Variants in LIPI observed in about 807,000 individuals in gnomAD.
The protein encoded by LIPI is lipase I.
In LIPI, 59 loss-of-function variants were observed where a neutral mutation model predicts 50.6. The observed-to-expected ratio is 1.16, with a 90% CI of 0.94 to 1.45. The LOEUF (loss-of-function observed/expected upper bound fraction) is 1.45, where lower values mean the gene tolerates loss of function less well. LIPI is among the 40% of genes most tolerant of loss of function. The pLI, the probability that LIPI is intolerant of heterozygous loss-of-function variation, is 0.00. For missense variants in LIPI, 586 were observed against 536.3 expected (o/e 1.09, Z -0.92); for synonymous variants, 203 against 178.2 (o/e 1.14, Z -1.11).
intron 9 of LIPI, among the ~76,000 whole-genome samples, chr21:14,137,209 G>C (rs1179549263): frequency 6.6e-6 from 1 of 151,990 alleles, no homozygotes; most frequent in Non-Finnish European, 1.5e-5. Flanking sequence ...ACACCATGCA[G>C]GAAAACATGA....
intron 9 of LIPI, among the ~76,000 whole-genome samples, chr21:14,118,011 C>A (rs935642134): frequency 9.2e-5 from 14 of 151,744 alleles, no homozygotes; most frequent in Admixed American, 6.6e-4. Flanking sequence ...TCAGGAAGGT[C>A]AGCCTAGACT....
chr21:14,114,889 A>C (rs548623727), intron 9 of LIPI, among the ~76,000 whole-genome samples: 1 of 152,326 alleles, frequency 6.6e-6, no homozygotes, highest in African/African-American at 2.4e-5. Flanking sequence ...AGAAAAGTAG[A>C]TTATCTTTGG....
intron 9 of LIPI, among the ~76,000 whole-genome samples, chr21:14,116,905 A>T (rs1416738464): frequency 2.0e-5 from 3 of 152,150 alleles, no homozygotes; most frequent in Non-Finnish European, 4.4e-5. Context: ...CCGCCAGAGG[A>T]GCTAGAGACT....
At chr21:14,200,061 G>A (rs920285440) in intron 1 of LIPI, among the ~76,000 whole-genome samples, 18 of 152,094 alleles carry the variant, frequency 1.2e-4, no homozygotes, top group Admixed American at 1.1e-3. Context: ...ATCGCTTCAT[G>A]CTAAAAACTC....
intron 9 of LIPI, among the ~76,000 whole-genome samples, chr21:14,138,719 A>C (rs1237474637): frequency 6.6e-6 from 1 of 152,062 alleles, no homozygotes. Context: ...TCAATGTATA[A>C]ATTACCCTAT....
chr21:14,138,580 T>G (rs1007775549), intron 9 of LIPI, among the ~76,000 whole-genome samples: 1 of 152,026 alleles, frequency 6.6e-6, no homozygotes, highest in African/African-American at 2.4e-5. Context: ...TCACTTAATT[T>G]TCTCCAATTA....
intron 9 of LIPI, among the ~76,000 whole-genome samples, chr21:14,136,378 C>T (rs1022937976): frequency 3.9e-5 from 6 of 152,150 alleles, no homozygotes; most frequent in Non-Finnish European, 8.8e-5. Context: ...CATTCACCAC[C>T]AGCTGTCTTA....
rs75863726 is a variant in LIPI at position 14,108,978 on chromosome 21, A to G, written c.*15T>C. On this transcript the variant is annotated 3_prime_UTR_variant, in exon 10 of 10. Transcript: ENST00000681601. The stretch of plus-strand genomic sequence containing the variant: ...ATTAATTCACAAGCAAGTGCATTTG[A>G]TGGAAGAAGGCATCTTATGTGTTCT... The G allele has an allele frequency of 1.4e-3, 2,271 of 1,611,344 alleles. 68 individuals are homozygous for G. The East Asian group carries it at 0.046, about 33-fold the overall frequency.
At chr21:14,178,645 G>A (rs985636645) in intron 4 of LIPI, among the ~76,000 whole-genome samples, 2 of 151,846 alleles carry the variant, frequency 1.3e-5, no homozygotes, top group African/African-American at 4.8e-5. Context: ...AATTACTTTT[G>A]CACCAACTTA....
rs1298559154 is a variant in LIPI, at chr21:14,144,802, A to G, written c.1119-3T>C. The G allele has an allele frequency of 5.2e-6, 8 of 1,551,822 alleles. No homozygotes were observed. Among genetic ancestry groups the G allele is most frequent in the Admixed American group, 5.0e-5 (3 of 59,676 alleles). On this transcript the variant is annotated splice_polypyrimidine_tract_variant and splice_region_variant and intron_variant, in intron 8 of 9. Coordinates refer to ENST00000681601, the MANE Select transcript of LIPI (RefSeq NM_001302998.2). ...GTTTATAAAATGGTTTGTTCTTTCT[A>G]GAGAGAAAATTTGATACACGCAGCA...
chr21:14,198,008 T>C lies in LIPI; in HGVS notation c.47-8589A>G, dbSNP rs1211702722. ...ATAAATTCCAGTCTAGAATTTCATA[T>C]CTGGGCAAACTAAGCTTCATAAGCA... On this transcript the variant is annotated intron_variant, in intron 1 of 9. Coordinates refer to ENST00000681601, the MANE Select transcript of LIPI (RefSeq NM_001302998.2). Among the ~76,000 whole-genome samples, 6 of 152,088 alleles carry C rather than the reference T, an allele frequency of 3.9e-5. No homozygotes were observed. In the East Asian group the frequency reaches 9.6e-4, roughly 24 times the overall value.
intron 7 of LIPI, among the ~76,000 whole-genome samples, chr21:14,155,355 A>T (rs1164177496): frequency 6.6e-6 from 1 of 152,018 alleles, no homozygotes; most frequent in Admixed American, 6.6e-5. Flanking sequence ...CTATAATAAA[A>T]GATGTAATAT....
intron 7 of LIPI, among the ~76,000 whole-genome samples, chr21:14,158,554 GAGT>G (rs2018350657): frequency 6.7e-6 from 1 of 149,672 alleles, no homozygotes; most frequent in Admixed American, 6.7e-5. Context: ...AACCCAAATA[GAGT>G]AGAAGAAAAG....
At chr21:14,172,178 C>T (rs1215317948) in intron 4 of LIPI, among the ~76,000 whole-genome samples, 12 of 151,014 alleles carry the variant, frequency 7.9e-5, no homozygotes, top group Non-Finnish European at 1.6e-4. Flanking sequence ...TACCATCTCA[C>T]ACCAGTTAGA....
At chr21:14,167,025 C>T (rs998207244) in intron 4 of LIPI, among the ~76,000 whole-genome samples, 2 of 152,222 alleles carry the variant, frequency 1.3e-5, no homozygotes, top group Non-Finnish European at 2.9e-5. Flanking sequence ...TGCGCTTCTG[C>T]GATGGGCTTA....
intron 1 of LIPI, among the ~76,000 whole-genome samples, chr21:14,208,286 G>A (rs1297139): frequency 6.6e-6 from 1 of 152,148 alleles, no homozygotes; most frequent in Non-Finnish European, 1.5e-5. Context: ...GTGCTTAGTA[G>A]AATTGCTAAT....
intron 8 of LIPI, among the ~76,000 whole-genome samples, chr21:14,149,215 A>G (rs1377570617): frequency 1.3e-5 from 2 of 152,182 alleles, no homozygotes; most frequent in Non-Finnish European, 2.9e-5. Flanking sequence ...CCTACTTCAT[A>G]TGGTGGCAGG....
chr21:14,174,384 C>G lies in LIPI; in HGVS notation c.643+7374G>C, dbSNP rs563340024. Among the ~76,000 whole-genome samples the G allele has an allele frequency of 2.4e-4, 36 of 151,256 alleles. 2 individuals are homozygous for G. The highest frequency in any genetic ancestry group is 7.4e-5 in the Non-Finnish European group (5 of 67,906). On this transcript the variant is annotated intron_variant, in intron 4 of 9. Coordinates refer to ENST00000681601, the MANE Select transcript of LIPI (RefSeq NM_001302998.2). ...AGAACATTAAACATAAATCTATAGG[C>G]TAATTAATTATTATAAAGCAAACAG...
chr21:14,184,416 T>A (rs367544961), intron 3 of LIPI, among the ~76,000 whole-genome samples: 1 of 152,220 alleles, frequency 6.6e-6, no homozygotes, highest in East Asian at 1.9e-4. Context: ...ACATGGCACA[T>A]GTATACATAT....
Sources: allele counts gnomAD v4.1 joint callset (sites outside exome capture counted in the v4.1 genomes callset), GRCh38; gene constraint gnomAD v4.1.1; transcripts MANE v1.5; gene names NCBI Gene and HGNC (gene_info 2026-07-23, HGNC 2026-07-21).